The following LARGE1 variants were observed in gnomAD, a reference collection of about 807,000 sequenced individuals.
LARGE1 encodes the protein LARGE xylosyl- and glucuronyltransferase 1.
A neutral mutation model predicts 87.6 loss-of-function variants in LARGE1; 43 were observed. The observed-to-expected ratio is 0.49, with a 90% CI of 0.38 to 0.63. The LOEUF (loss-of-function observed/expected upper bound fraction) is 0.63, where lower values mean the gene tolerates loss of function less well. LARGE1 is among the 30% of genes least tolerant of loss of function. The pLI is 0.00. For missense variants in LARGE1, 802 were observed against 1,000.2 expected (o/e 0.80, Z 2.67); for synonymous variants, 434 against 394.6 (o/e 1.10, Z -1.18).
At chr22:33,640,073 G>A (rs933347417) in intron 3 of LARGE1, among the ~76,000 whole-genome samples, 43 of 152,320 alleles carry the variant, frequency 2.8e-4, no homozygotes, top group African/African-American at 1.0e-3. Context: ...CTCTGGTTAC[G>A]TGGCCCTGCA....
chr22:33,179,278 C>A (rs1211563395), intron 11 of LARGE1, among the ~76,000 whole-genome samples: 1 of 152,164 alleles, frequency 6.6e-6, no homozygotes, highest in African/African-American at 2.4e-5. Flanking sequence ...ATCAGAACCA[C>A]CCACATGTAC....
intron 1 of LARGE1, among the ~76,000 whole-genome samples, chr22:33,795,974 T>G (rs1253572036): frequency 6.8e-6 from 1 of 148,008 alleles, no homozygotes; most frequent in East Asian, 2.0e-4. Flanking sequence ...ATTGTGCACA[T>G]GTACCCTAAA....
intron 1 of LARGE1, among the ~76,000 whole-genome samples, chr22:33,854,984 G>C (rs910520735): frequency 6.6e-6 from 1 of 152,192 alleles, no homozygotes; most frequent in African/African-American, 2.4e-5. Context: ...AGCAGAGAGA[G>C]AGAGCACTTT....
At chr22:33,454,915 T>A (rs1170744808) in intron 6 of LARGE1, among the ~76,000 whole-genome samples, 2 of 152,112 alleles carry the variant, frequency 1.3e-5, no homozygotes, top group Non-Finnish European at 2.9e-5. Context: ...CCTAATCACC[T>A]CCTACCAGGC....
the LARGE1 span, among the ~76,000 whole-genome samples, chr22:33,111,318 G>A: frequency 2.7e-3 from 408 of 152,268 alleles, no homozygotes; most frequent in African/African-American, 9.4e-3. Context: ...GTGAGACTCT[G>A]ACTCCGTAGG....
intron 9 of LARGE1, among the ~76,000 whole-genome samples, chr22:33,355,108 A>C (rs1601564875): frequency 6.6e-6 from 1 of 152,248 alleles, no homozygotes; most frequent in South Asian, 2.1e-4. Flanking sequence ...CCCATAGTTT[A>C]AATTCCAAGC....
At chr22:33,464,507 G>C (rs899594649) in intron 6 of LARGE1, among the ~76,000 whole-genome samples, 1 of 152,056 alleles carries the variant, frequency 6.6e-6, no homozygotes, top group African/African-American at 2.4e-5. Context: ...AACAGATAAA[G>C]AACGGCTACA....
the LARGE1 span, among the ~76,000 whole-genome samples, chr22:33,088,926 G>A: frequency 6.6e-6 from 1 of 152,140 alleles, no homozygotes; most frequent in East Asian, 1.9e-4. Flanking sequence ...ATTTAAAAGA[G>A]TGCCTGGTAC....
At chr22:33,194,687 G>T (rs1568968279) in intron 11 of LARGE1, among the ~76,000 whole-genome samples, 3 of 152,120 alleles carry the variant, frequency 2.0e-5, no homozygotes, top group African/African-American at 7.2e-5. Flanking sequence ...TTCTTCTCTG[G>T]CCTCTTCTCA....
chr22:33,915,040 C>CAGAGAGAGAGAG (rs1431046257), intron 1 of LARGE1, among the ~76,000 whole-genome samples: 15 of 91,654 alleles, frequency 1.6e-4, no homozygotes, highest in African/African-American at 5.3e-4. Flanking sequence ...CACACACACA[C>CAGAGAGAGAGAG]ACAGAGAGAG....
intron 1 of LARGE1, among the ~76,000 whole-genome samples, chr22:33,845,868 G>C (rs1002483758): frequency 7.9e-5 from 12 of 151,950 alleles, no homozygotes; most frequent in African/African-American, 2.9e-4. Flanking sequence ...CTATCATCTT[G>C]GTCCTGAGGG....
At chr22:33,896,641 G>C (rs2065153012) in intron 1 of LARGE1, among the ~76,000 whole-genome samples, 3 of 152,188 alleles carry the variant, frequency 2.0e-5, no homozygotes, top group Admixed American at 2.0e-4. Flanking sequence ...CACCTTGCTA[G>C]AATGTTCAAA....
intron 9 of LARGE1, among the ~76,000 whole-genome samples, chr22:33,342,205 A>G (rs936711300): frequency 6.6e-6 from 1 of 152,180 alleles, no homozygotes; most frequent in African/African-American, 2.4e-5. Context: ...GTCTTTGCGA[A>G]TGATTCCGGT....
At chr22:33,836,321 T>G (rs754439419) in intron 1 of LARGE1, among the ~76,000 whole-genome samples, 1 of 152,142 alleles carries the variant, frequency 6.6e-6, no homozygotes, top group Non-Finnish European at 1.5e-5. Flanking sequence ...TGCAGAGTTA[T>G]TAGGAGGATT....
At position 33,382,029 on chromosome 22, in the gene LARGE1, C is replaced by T. The variant is rs766163620; in HGVS notation, c.1021G>A (p.Val341Ile). The T allele has an allele frequency of 8.7e-6, 14 of 1,613,946 alleles. No individual in the cohort carries two copies. Among genetic ancestry groups the T allele is most frequent in the East Asian group, 6.7e-5 (3 of 44,884 alleles). Residue 341 changes from valine (V) to isoleucine (I), a missense_variant, in exon 9 of 15, where the codon GTC becomes ATC. This residue lies in a region of LARGE1 where 625 missense variants were observed against 841.9 expected (regional missense o/e 0.74). Coordinates refer to ENST00000397394, the MANE Select transcript of LARGE1 (RefSeq NM_133642.5). ...SLADQDIFNAVIKQNPFLVYQ... is the reference protein window; with the variant it reads ...SLADQDIFNAIIKQNPFLVYQ... ...ACAAGGAAGGGGTTTTGTTTGATGA[C>T]GGCATTGAAAATATCCTGGGGGATG...
chr22:33,333,272 C>T (rs1601485755), intron 10 of LARGE1, among the ~76,000 whole-genome samples: 1 of 152,286 alleles, frequency 6.6e-6, no homozygotes, highest in African/African-American at 2.4e-5. Flanking sequence ...CCCACCTCAG[C>T]CTCCCAAAAT....
chr22:33,351,125 C>T (rs116485633), intron 9 of LARGE1, among the ~76,000 whole-genome samples: 1,601 of 152,346 alleles, frequency 0.011, 31 homozygotes, highest in African/African-American at 0.037. Context: ...CAAAGGCCTG[C>T]ACTGTCTTGT....
At chr22:33,498,700 G>T (rs7291127) in intron 6 of LARGE1, among the ~76,000 whole-genome samples, 44,523 of 152,054 alleles carry the variant, frequency 0.29, 6,934 homozygotes, top group African/African-American at 0.38. Context: ...GGCCAGGCGC[G>T]GGGGCTCACA....
chr22:33,849,581 T>C lies in LARGE1; in HGVS notation c.-83+70414A>G, dbSNP rs1018160508. Reference sequence around the variant, plus strand: ...CATATTAATCCCTTTAGTTCTTTTTTCTTTTCTTCTCTTTTTTTTTTTTTT... The same window carrying C: ...CATATTAATCCCTTTAGTTCTTTTTCCTTTTCTTCTCTTTTTTTTTTTTTT... On this transcript the variant is annotated intron_variant, in intron 1 of 14. Transcript: ENST00000397394. 4.8e-5 allele frequency among the ~76,000 whole-genome samples: 7 copies of C among 144,736 alleles called. 1 individual carries two copies. In the South Asian group the frequency reaches 6.5e-4, roughly 13 times the overall value. The allele number at this position is 144,736 out of a possible 152,430, so 95.0% of individuals were successfully genotyped here.
Sources: allele counts gnomAD v4.1 joint callset (sites outside exome capture counted in the v4.1 genomes callset), GRCh38; gene constraint gnomAD v4.1.1; regional missense constraint gnomAD v4.1.1; transcripts MANE v1.5; gene names NCBI Gene and HGNC (gene_info 2026-07-23, HGNC 2026-07-21).